BCAR3: variants seen among roughly 807,000 people sequenced by gnomAD.
BCAR3 encodes the protein BCAR3 adaptor protein, NSP family member, also known as breast cancer anti-estrogen resistance protein 3.
BCAR3 carries 37 observed loss-of-function variants against 80.1 expected under a neutral mutation model. That is an observed-to-expected ratio of 0.46 (90% CI 0.36 to 0.61). The LOEUF is 0.61. Ranked by LOEUF, BCAR3 falls within the 20% of genes least tolerant of loss-of-function variation. BCAR3 has a pLI of 0.00. For synonymous variants in BCAR3, 389 were observed against 418.9 expected (o/e 0.93, Z 0.87); for missense variants, 978 against 1,068.2 (o/e 0.92, Z 1.18).
intron 3 of BCAR3, among the ~76,000 whole-genome samples, chr1:93,621,736 C>T (rs985280192): frequency 6.6e-6 from 1 of 152,190 alleles, no homozygotes; most frequent in South Asian, 2.1e-4. Context: ...GGAAGAGCTA[C>T]AAGTTTGACT....
At chr1:93,688,021 T>C (rs149575025) in intron 3 of BCAR3, among the ~76,000 whole-genome samples, 4 of 152,190 alleles carry the variant, frequency 2.6e-5, no homozygotes, top group African/African-American at 7.2e-5. Context: ...AACACTGATA[T>C]GGACCAGAAA....
intron 2 of BCAR3, among the ~76,000 whole-genome samples, chr1:93,672,349 T>G (rs1648254569): frequency 1.3e-5 from 2 of 151,988 alleles, no homozygotes; most frequent in Admixed American, 1.3e-4. Context: ...GTGTGGAGTT[T>G]CCCTTTGTAA....
intron 3 of BCAR3, among the ~76,000 whole-genome samples, chr1:93,691,030 G>A (rs1460177330): frequency 6.6e-6 from 1 of 152,194 alleles, no homozygotes; most frequent in Non-Finnish European, 1.5e-5. Context: ...AATAATATGT[G>A]TATGAGTTTT....
At chr1:93,729,587 C>T (rs1381468733) in intron 2 of BCAR3, among the ~76,000 whole-genome samples, 2 of 152,182 alleles carry the variant, frequency 1.3e-5, no homozygotes, top group Non-Finnish European at 2.9e-5. Flanking sequence ...TCACAGAGGC[C>T]TTAACCCACC....
At chr1:93,591,654 A>G (rs771978309) in intron 4 of BCAR3, among the ~76,000 whole-genome samples, 1 of 152,172 alleles carries the variant, frequency 6.6e-6, no homozygotes, top group African/African-American at 2.4e-5. Context: ...ACAGTATTAA[A>G]TGAAAAAACA....
At chr1:93,583,105 C>T in intron 6 of BCAR3, 152 bp from the exon 7 acceptor site, 1 of 966,900 alleles carries the variant, frequency 1.0e-6, no homozygotes, top group South Asian at 1.8e-5. Flanking sequence ...TGTGACTGTC[C>T]CACGCCCAAT....
At chr1:93,656,119 A>T (rs1647366579) in intron 2 of BCAR3, among the ~76,000 whole-genome samples, 1 of 152,096 alleles carries the variant, frequency 6.6e-6, no homozygotes, top group Admixed American at 6.5e-5. Flanking sequence ...TCTAATTGTT[A>T]CTGTGCTTTC....
chr1:93,672,732 G>A (rs1339271809), intron 2 of BCAR3, among the ~76,000 whole-genome samples: 5 of 152,134 alleles, frequency 3.3e-5, no homozygotes, highest in African/African-American at 1.2e-4. Flanking sequence ...GCCGGTCCAG[G>A]GCCTTCTAAC....
chr1:93,646,058 G>A (rs2101914197), intron 2 of BCAR3, among the ~76,000 whole-genome samples: 1 of 152,222 alleles, frequency 6.6e-6, no homozygotes, highest in East Asian at 1.9e-4. Context: ...TGTGTAAACA[G>A]TGTTTCACTA....
At chr1:93,682,571 C>G (rs146690690), upstream of BCAR3, among the ~76,000 whole-genome samples, 322 of 152,192 alleles carry the variant, frequency 2.1e-3, 3 homozygotes, top group African/African-American at 7.2e-3. Flanking sequence ...TTTTTCTTTT[C>G]GAGACAGAGT....
At chr1:93,671,128 G>T (rs751741955) in intron 2 of BCAR3, among the ~76,000 whole-genome samples, 13 of 152,072 alleles carry the variant, frequency 8.5e-5, no homozygotes, top group Non-Finnish European at 1.8e-4. Flanking sequence ...AAGTAGCTGG[G>T]ATTACAAGCA....
At chr1:93,782,215 T>C (rs562499114) in intron 2 of BCAR3, among the ~76,000 whole-genome samples, 1 of 152,326 alleles carries the variant, frequency 6.6e-6, no homozygotes, top group Non-Finnish European at 1.5e-5. Context: ...CCTGGGTAGA[T>C]AGGCCTGGCT....
chr1:93,643,652 G>C (rs1364760965), intron 2 of BCAR3, among the ~76,000 whole-genome samples: 15 of 151,094 alleles, frequency 9.9e-5, no homozygotes, highest in Admixed American at 9.9e-4. Context: ...GAAATGGGGA[G>C]ATGTAGGTCA....
intron 2 of BCAR3, among the ~76,000 whole-genome samples, chr1:93,750,905 C>T (rs867348824): frequency 2.6e-5 from 4 of 152,186 alleles, no homozygotes; most frequent in Non-Finnish European, 4.4e-5. Context: ...TTTGCTGTGC[C>T]ATTTCTGAAT....
intron 2 of BCAR3, among the ~76,000 whole-genome samples, chr1:93,719,342 T>TTG (rs1463250225): frequency 1.5e-5 from 2 of 130,134 alleles, no homozygotes; most frequent in Admixed American, 7.6e-5. Context: ...TTGTTTTTTT[T>TTG]TTTTTTTTTT....
chr1:93,794,091 G>A (rs1571132245), intron 2 of BCAR3, among the ~76,000 whole-genome samples: 1 of 11,542 alleles, frequency 8.7e-5, no homozygotes, highest in Non-Finnish European at 1.2e-4. Flanking sequence ...GGTCAATTTT[G>A]GAATAGGTGT....
intron 7 of BCAR3, among the ~76,000 whole-genome samples, chr1:93,577,212 A>G (rs993398508): frequency 1.3e-5 from 2 of 152,216 alleles, no homozygotes; most frequent in African/African-American, 4.8e-5. Flanking sequence ...TGATGTACTA[A>G]GAGTGGAACT....
intron 2 of BCAR3, among the ~76,000 whole-genome samples, chr1:93,790,652 T>TTC (rs1653118055): frequency 1.2e-5 from 1 of 82,892 alleles, no homozygotes; most frequent in Non-Finnish European, 2.0e-5. Context: ...TTTTTCTTAA[T>TTC]TTTTTTTTTT....
chr1:93,787,930 A>T (rs1379263520), intron 2 of BCAR3, among the ~76,000 whole-genome samples: 10 of 152,020 alleles, frequency 6.6e-5, no homozygotes, highest in Non-Finnish European at 1.3e-4. Flanking sequence ...CCTCACTATT[A>T]TTGTGTTGCC....
Sources: gnomAD v4.1 joint callset for allele counts (sites outside exome capture counted in the v4.1 genomes callset) on GRCh38, gnomAD v4.1.1 for gene constraint, MANE v1.5 for transcripts, NCBI Gene and HGNC (gene_info 2026-07-23, HGNC 2026-07-21) for gene names.